Variants in PTPRG observed in about 807,000 individuals in gnomAD.
The protein encoded by PTPRG is protein tyrosine phosphatase receptor type G.
A neutral mutation model predicts 165.3 loss-of-function variants in PTPRG; 102 were observed. That is an observed-to-expected ratio of 0.62 (90% CI 0.53 to 0.73). The LOEUF is 0.73. PTPRG is among the 30% of genes least tolerant of loss of function. The pLI, the probability that PTPRG is intolerant of heterozygous loss-of-function variation, is 0.00. For synonymous variants in PTPRG, 675 were observed against 669.5 expected, an observed-to-expected ratio of 1.01 and a Z score of -0.13; for missense variants, 1,866 against 1,861.4, an observed-to-expected ratio of 1.00 and a Z score of -0.05.
intron 1 of PTPRG, among the ~76,000 whole-genome samples, chr3:61,598,136 T>C (rs1209041250): frequency 6.6e-6 from 1 of 152,182 alleles, no homozygotes; most frequent in Admixed American, 6.5e-5. Context: ...ATAATGCCTT[T>C]TTGCCAACAC....
In PTPRG at chr3:61,680,518, ACAC is replaced by A. The variant is rs368989691; in HGVS notation, c.86-68359_86-68357del. Among the ~76,000 whole-genome samples the A allele has an allele frequency of 8.7e-3, 673 of 77,344 alleles. 59 individuals carry two copies. Among genetic ancestry groups the A allele is most frequent in the African/African-American group, 0.016 (399 of 24,658 alleles). 50.7% of individuals were successfully genotyped at this position (77,344 alleles called of 152,430 possible). A position where few individuals can be genotyped will look rare whatever the true frequency, so the allele number is the denominator to read the frequency against. ...AGCTTTATGAAAAAAAAAAAAAAAA[ACAC>A]AAAAAAACAGCATGGGAGCCTGGCA... On this transcript the variant is annotated intron_variant, in intron 1 of 29. Coordinates refer to ENST00000474889, the MANE Select transcript of PTPRG (RefSeq NM_002841.4).
intron 2 of PTPRG, among the ~76,000 whole-genome samples, chr3:61,941,479 C>T (rs557443257): frequency 2.6e-4 from 39 of 152,252 alleles, no homozygotes; most frequent in African/African-American, 4.1e-4. Context: ...AAAAATTAGC[C>T]GGGCATGGCG....
At chr3:61,985,038 T>C (rs909422339) in intron 2 of PTPRG, among the ~76,000 whole-genome samples, 1 of 152,248 alleles carries the variant, frequency 6.6e-6, no homozygotes, top group Non-Finnish European at 1.5e-5. Flanking sequence ...GTGGTCTCAC[T>C]GGGGATGTTA....
At chr3:62,211,002 C>T (rs1342330317) in intron 12 of PTPRG, among the ~76,000 whole-genome samples, 1 of 152,140 alleles carries the variant, frequency 6.6e-6, no homozygotes, top group Non-Finnish European at 1.5e-5. Context: ...GGTGGGTTAA[C>T]TGTATGCCCA....
intron 2 of PTPRG, among the ~76,000 whole-genome samples, chr3:61,839,624 G>GA (rs1225863571): frequency 6.6e-6 from 1 of 151,912 alleles, no homozygotes; most frequent in African/African-American, 2.4e-5. Context: ...TTTCGTATTT[G>GA]AAAAAAATGC....
intron 19 of PTPRG, among the ~76,000 whole-genome samples, chr3:62,268,020 C>T (rs1003867568): frequency 3.9e-5 from 6 of 152,010 alleles, no homozygotes; most frequent in Non-Finnish European, 8.8e-5. Context: ...CAGAGATGAA[C>T]AGGGTATCAG....
intron 2 of PTPRG, among the ~76,000 whole-genome samples, chr3:61,937,560 T>C (rs909023876): frequency 1.3e-5 from 2 of 152,230 alleles, no homozygotes; most frequent in Non-Finnish European, 2.9e-5. Context: ...TTAAAAATAA[T>C]GTAAAACCAA....
rs142709598 is a variant in PTPRG at position 61,643,506 on chromosome 3, G to A, written c.85+81134G>A. Among the ~76,000 whole-genome samples, 147 of 152,268 alleles carry A rather than the reference G, an allele frequency of 9.7e-4. 1 individual carries two copies. The highest frequency in any genetic ancestry group is 3.0e-3 in the African/African-American group (123 of 41,536). ...TTTTAAAAGCACCTATTGGCTGGGC[G>A]CGGTGGCTCATGCCTGTAATGCCAG... On this transcript the variant is annotated intron_variant, in intron 1 of 29. Coordinates refer to ENST00000474889, the MANE Select transcript of PTPRG (RefSeq NM_002841.4).
chr3:62,013,907 A>T (rs776895283), intron 4 of PTPRG, among the ~76,000 whole-genome samples: 1 of 152,110 alleles, frequency 6.6e-6, no homozygotes, highest in Non-Finnish European at 1.5e-5. Context: ...AACTCAAATA[A>T]AGCTGGCTGG....
chr3:61,755,102 G>T (rs755823959), intron 2 of PTPRG, among the ~76,000 whole-genome samples: 1 of 151,882 alleles, frequency 6.6e-6, no homozygotes, highest in Non-Finnish European at 1.5e-5. Context: ...CCGCCTCCTG[G>T]GTTCAAGCTA....
rs756927181 is a variant in PTPRG at position 62,267,394 on chromosome 3, TTCTTA to T, written c.2657-11_2657-7del. 5.1e-6 allele frequency: 8 copies of T among 1,554,684 alleles called. No homozygotes were observed. The highest frequency in any genetic ancestry group is 1.9e-5 in the Admixed American group (1 of 53,742). On this transcript the variant is annotated splice_polypyrimidine_tract_variant and intron_variant, in intron 17 of 29. Transcript: ENST00000474889. ...TTATCCATTTTATTTCTGTTTTTTT[TTCTTA>T]TCTTCTATAGATGATCACAGTAGGG... is the stretch of plus-strand genomic sequence containing the variant.
At chr3:61,707,476 T>A (rs2031323021) in intron 1 of PTPRG, among the ~76,000 whole-genome samples, 1 of 152,042 alleles carries the variant, frequency 6.6e-6, no homozygotes, top group Admixed American at 6.6e-5. Flanking sequence ...TCTATTTCAG[T>A]CCAAAGGCAA....
chr3:62,275,928 G>A lies in PTPRG; in HGVS notation c.3521G>A (p.Cys1174Tyr), dbSNP rs1333287106. 2 of 1,611,942 alleles carry A rather than the reference G, an allele frequency of 1.2e-6. No homozygotes were observed. The highest frequency in any genetic ancestry group is 1.7e-6 in the Non-Finnish European group (2 of 1,178,598). The change falls in exon 24 of 30, where the codon TGT (cysteine) becomes TAT (tyrosine). Residue 1174 changes from cysteine (C) to tyrosine (Y), a missense_variant. Physicochemically the swap from Cys to Tyr is radical, Grantham distance 194. This residue lies in a region of PTPRG where 1,452 missense variants were observed against 1,463.0 expected (regional missense o/e 0.99). Transcript: ENST00000474889. ...YVECFSAQKE[C>Y]NKEKNRNSSV... ...GAATGTTTCAGTGCTCAGAAAGAGTGTAACAAAGAAAAGAACAGAAACTCT... is the reference window on the plus strand; with the variant it reads ...GAATGTTTCAGTGCTCAGAAAGAGTATAACAAAGAAAAGAACAGAAACTCT...
At chr3:62,081,281 CAAA>C (rs1701569603) in intron 5 of PTPRG, among the ~76,000 whole-genome samples, 10 of 148,812 alleles carry the variant, frequency 6.7e-5, no homozygotes, top group Non-Finnish European at 1.5e-4. Context: ...AACAAACAAA[CAAA>C]CAAACAAACA....
Position 61,615,457 on chromosome 3 carries a change from G to T in PTPRG, c.85+53085G>T, listed in dbSNP as rs148011830. ...GAAACACCAGCGGAGTGGTGCTCTG[G>T]GCCTTTCAATCCTATCAGGTGATTT... is the stretch of plus-strand genomic sequence containing the variant. On this transcript the variant is annotated intron_variant, in intron 1 of 29. Transcript: ENST00000474889. Among the ~76,000 whole-genome samples the T allele has an allele frequency of 7.3e-3, 1,110 of 152,284 alleles. 6 individuals carry two copies. The highest frequency in any genetic ancestry group is 0.038 in the Middle Eastern group (11 of 292).
intron 2 of PTPRG, among the ~76,000 whole-genome samples, chr3:61,772,466 CTTA>C (rs1013484068): frequency 2.6e-5 from 4 of 151,798 alleles, no homozygotes; most frequent in African/African-American, 9.7e-5. Context: ...TATTGATTTT[CTTA>C]TTATAGCTGA....
At chr3:61,787,257 C>T (rs780451715) in intron 2 of PTPRG, among the ~76,000 whole-genome samples, 3 of 152,068 alleles carry the variant, frequency 2.0e-5, no homozygotes, top group Admixed American at 6.6e-5. Context: ...TTTTAATGTT[C>T]GTTTGTATTT....
chr3:61,723,637 A>G (rs2032140056), intron 1 of PTPRG, among the ~76,000 whole-genome samples: 1 of 152,328 alleles, frequency 6.6e-6, no homozygotes, highest in African/African-American at 2.4e-5. Context: ...GAAGGTGCCA[A>G]GATAGTACAG....
chr3:61,672,816 A>AGAGGGGGAGAGAGAGG, intron 1 of PTPRG, among the ~76,000 whole-genome samples: 1 of 148,082 alleles, frequency 6.8e-6, no homozygotes, highest in African/African-American at 2.5e-5. Context: ...AGAGAGGGAG[A>AGAGGGGGAGAGAGAGG]GAGAGAGGGA....
Sources: gnomAD v4.1 joint callset for allele counts (sites outside exome capture counted in the v4.1 genomes callset) on GRCh38, gnomAD v4.1.1 for gene constraint, gnomAD v4.1.1 regional missense constraint, MANE v1.5 for transcripts, NCBI Gene and HGNC (gene_info 2026-07-23, HGNC 2026-07-21) for gene names.